The following ILRUN variants were observed in gnomAD, a reference collection of about 807,000 sequenced individuals.
ILRUN encodes protein ILRUN.
In ILRUN, 3 loss-of-function variants were observed where a neutral mutation model predicts 33.8. The observed-to-expected ratio is 0.09, with a 90% CI of 0.04 to 0.23. ILRUN has a LOEUF of 0.23. Among genes scored for constraint, ILRUN ranks in the 10% least tolerant of loss-of-function variants. The pLI is 1.00. For missense variants in ILRUN, 210 were observed against 375.1 expected (o/e 0.56, Z 3.64); for synonymous variants, 124 against 138.9 (o/e 0.89, Z 0.75).
chr6:34,683,502 A>ATATATG (rs1562033261), intron 1 of ILRUN, among the ~76,000 whole-genome samples: 1 of 85,862 alleles, frequency 1.2e-5, no homozygotes, highest in African/African-American at 6.4e-5. Context: ...ATATATACAT[A>ATATATG]TATATATATA....
At chr6:34,594,877 T>TA (rs1420705272) in intron 4 of ILRUN, among the ~76,000 whole-genome samples, 2 of 152,062 alleles carry the variant, frequency 1.3e-5, no homozygotes, top group South Asian at 2.1e-4. Flanking sequence ...TTCCTAAAAT[T>TA]AAAAAAAAAT....
intron 3 of ILRUN, among the ~76,000 whole-genome samples, chr6:34,610,972 T>TGA (rs1761735263): frequency 3.3e-5 from 5 of 152,020 alleles, no homozygotes; most frequent in Admixed American, 3.3e-4. Context: ...GCACTCTGGG[T>TGA]GGTTGAGGAA....
intron 3 of ILRUN, among the ~76,000 whole-genome samples, chr6:34,613,807 G>C (rs1761810524): frequency 6.6e-6 from 1 of 152,176 alleles, no homozygotes. Flanking sequence ...TTGCCAAGAA[G>C]GACTAGAATT....
chr6:34,616,901 A>G (rs1000887216), intron 3 of ILRUN: 7 of 631,660 alleles, frequency 1.1e-5, no homozygotes, highest in African/African-American at 5.4e-5. Context: ...CAAGGCTTCA[A>G]TTAACATGCT....
At chr6:34,616,903 T>A in intron 3 of ILRUN, 1 of 628,226 alleles carries the variant, frequency 1.6e-6, no homozygotes, top group Admixed American at 1.9e-5. Context: ...AGGCTTCAAT[T>A]AACATGCTGA....
chr6:34,683,453 CATATAT>C (rs1451602188), intron 1 of ILRUN, among the ~76,000 whole-genome samples: 2 of 96,616 alleles, frequency 2.1e-5, no homozygotes, highest in African/African-American at 9.8e-5. Context: ...TATATATATA[CATATAT>C]ATACATATAT....
At chr6:34,612,825 G>A (rs1052268366) in intron 3 of ILRUN, among the ~76,000 whole-genome samples, 34 of 152,142 alleles carry the variant, frequency 2.2e-4, no homozygotes, top group Non-Finnish European at 4.4e-4. Flanking sequence ...GGCGGATCAT[G>A]AGGTCAGGAG....
chr6:34,604,006 G>A (rs192626594), intron 4 of ILRUN, among the ~76,000 whole-genome samples: 1 of 152,122 alleles, frequency 6.6e-6, no homozygotes, highest in Admixed American at 6.5e-5. Context: ...CTAAGATTCT[G>A]CTTAGATTAA....
intron 3 of ILRUN, among the ~76,000 whole-genome samples, chr6:34,634,445 C>A (rs560687358): frequency 6.6e-6 from 1 of 151,852 alleles, no homozygotes; most frequent in African/African-American, 2.4e-5. Flanking sequence ...GAAAATAAAT[C>A]AAGAAGGAAT....
At chr6:34,617,367 T>C (rs990471630) in intron 3 of ILRUN, 5 of 313,448 alleles carry the variant, frequency 1.6e-5, no homozygotes, top group Non-Finnish European at 3.1e-5. Context: ...TCTTTGTGCG[T>C]GTCTCTTAGA....
intron 1 of ILRUN, among the ~76,000 whole-genome samples, chr6:34,669,448 G>T (rs1430685263): frequency 2.0e-5 from 3 of 152,040 alleles, no homozygotes; most frequent in Admixed American, 2.0e-4. Context: ...CTTTTGACAG[G>T]GCAGCTGTTG....
chr6:34,601,706 C>CCG (rs1554182765), intron 4 of ILRUN, among the ~76,000 whole-genome samples: 1 of 143,694 alleles, frequency 7.0e-6, no homozygotes, highest in African/African-American at 2.9e-5. Flanking sequence ...CCAGTACCCG[C>CCG]CCCCCCAACT....
chr6:34,686,343 C>CA (rs1206208098), intron 1 of ILRUN, among the ~76,000 whole-genome samples: 1 of 151,344 alleles, frequency 6.6e-6, no homozygotes, highest in Admixed American at 6.6e-5. Flanking sequence ...TACAAAAATA[C>CA]AAAAAAATTA....
chr6:34,593,198 T>C (rs1350345579), intron 4 of ILRUN, among the ~76,000 whole-genome samples: 3 of 151,934 alleles, frequency 2.0e-5, no homozygotes, highest in Non-Finnish European at 2.9e-5. Context: ...AGTCACAGGT[T>C]CTGAGGGTTA....
chr6:34,616,741 A>G (rs1355095761), intron 3 of ILRUN: 3 of 722,468 alleles, frequency 4.2e-6, no homozygotes, highest in Non-Finnish European at 4.9e-6. Context: ...GGATGGCAAG[A>G]AAAACTAGCA....
chr6:34,695,136 G>C (rs887312344), intron 1 of ILRUN, among the ~76,000 whole-genome samples: 2 of 152,080 alleles, frequency 1.3e-5, no homozygotes, highest in Admixed American at 6.6e-5. Flanking sequence ...GCATCATCCA[G>C]GGTAGAACTA....
chr6:34,635,769 C>T (rs1427729809), intron 3 of ILRUN, among the ~76,000 whole-genome samples: 1 of 151,970 alleles, frequency 6.6e-6, no homozygotes, highest in African/African-American at 2.4e-5. Context: ...ATTACAGGTA[C>T]CTGCCATCAT....
At chr6:34,627,990 A>C (rs529847145) in intron 3 of ILRUN, among the ~76,000 whole-genome samples, 18 of 152,002 alleles carry the variant, frequency 1.2e-4, no homozygotes, top group Non-Finnish European at 2.5e-4. Flanking sequence ...GGCATGAGCC[A>C]CCGCCCCTGG....
Position 34,633,894 on chromosome 6 carries a change from A to T in ILRUN, c.511+12707T>A, listed in dbSNP as rs1467632076. On this transcript the variant is annotated intron_variant, in intron 3 of 4. Coordinates refer to ENST00000374023, the MANE Select transcript of ILRUN (RefSeq NM_024294.4). The stretch of plus-strand genomic sequence containing the variant: ...CATGGAGGGAGAGAGGGAGGGAGGG[A>T]GGGAGGGAGGGAGGGAGGGAGGGAG... 2.4e-4 allele frequency among the ~76,000 whole-genome samples: 11 copies of T among 45,688 alleles called. 1 individual carries two copies. The allele number at this position is 45,688 out of a possible 152,430, so 30.0% of individuals were successfully genotyped here.
Sources: allele counts gnomAD v4.1 joint callset (sites outside exome capture counted in the v4.1 genomes callset), GRCh38; gene constraint gnomAD v4.1.1; transcripts MANE v1.5; gene names NCBI Gene and HGNC (gene_info 2026-07-23, HGNC 2026-07-21).